NECTIN3: variants seen among roughly 807,000 people sequenced by gnomAD.
NECTIN3 encodes nectin cell adhesion molecule 3, also known as nectin-3.
NECTIN3 carries 8 observed loss-of-function variants against 49.4 expected under a neutral mutation model. That is an observed-to-expected ratio of 0.16 (90% CI 0.10 to 0.29). The LOEUF (loss-of-function observed/expected upper bound fraction) is 0.29. Ranked by LOEUF, NECTIN3 falls within the 10% of genes least tolerant of loss-of-function variation. The pLI is 1.00. For missense variants in NECTIN3, 581 were observed against 654.6 expected, an observed-to-expected ratio of 0.89 and a Z score of 1.23; for synonymous variants, 277 against 241.1, an observed-to-expected ratio of 1.15 and a Z score of -1.38.
chr3:111,172,979 T>A (rs1374919116), intron 7 of NECTIN3, among the ~76,000 whole-genome samples: 1 of 152,206 alleles, frequency 6.6e-6, no homozygotes, highest in Admixed American at 6.5e-5. Context: ...TCCGGTATGA[T>A]CTTTCCATTT....
intron 7 of NECTIN3, among the ~76,000 whole-genome samples, chr3:111,156,029 T>G (rs2035091314): frequency 6.6e-6 from 1 of 152,208 alleles, no homozygotes; most frequent in South Asian, 2.1e-4. Flanking sequence ...CATATTTATG[T>G]CCTTGTGCCA....
At chr3:111,162,770 T>A (rs944927233) in intron 7 of NECTIN3, among the ~76,000 whole-genome samples, 39 of 152,192 alleles carry the variant, frequency 2.6e-4, no homozygotes, top group Non-Finnish European at 2.9e-5. Flanking sequence ...TTTAAGCTTT[T>A]ACCAACAGCC....
At chr3:111,096,618 G>A (rs1163649613) in intron 1 of NECTIN3, among the ~76,000 whole-genome samples, 1 of 152,142 alleles carries the variant, frequency 6.6e-6, no homozygotes, top group Non-Finnish European at 1.5e-5. Context: ...TGGGCCCAGG[G>A]TCCCTCTGCT....
intron 1 of NECTIN3, among the ~76,000 whole-genome samples, chr3:111,085,446 A>G (rs986848332): frequency 1.3e-5 from 2 of 152,230 alleles, no homozygotes; most frequent in African/African-American, 4.8e-5. Flanking sequence ...ATACATCAGA[A>G]AAATACATAC....
rs372423621 is a variant in NECTIN3, at chr3:111,072,040, C to A, written c.23C>A (p.Ser8Tyr). 4.0e-5 allele frequency: 61 copies of A among 1,539,140 alleles called. No individual in the cohort carries two copies. In the African/African-American group the frequency reaches 4.8e-4, roughly 12 times the overall value. ...GGGATGGCGCGGACCCTGCGGCCGT[C>A]CCCGCTGTGTCCTGGAGGCGGCAAA... is the stretch of plus-strand genomic sequence containing the variant. MARTLRP[S>Y]PLCPGGGKAQ... The change falls in exon 1 of 6, where the codon TCC (serine) becomes TAC (tyrosine). Residue 8 changes from serine (S) to tyrosine (Y), a missense_variant. Ser to Tyr is a moderately radical substitution (Grantham distance 144). Around this residue, in one of 3 missense-constraint regions of NECTIN3, gnomAD observed 109 missense variants for 69.1 expected, o/e 1.58. Transcript: ENST00000485303.
chr3:111,076,902 G>T (rs1036306478), intron 1 of NECTIN3, among the ~76,000 whole-genome samples: 2 of 151,646 alleles, frequency 1.3e-5, no homozygotes, highest in Non-Finnish European at 2.9e-5. Flanking sequence ...TTGAACCCCA[G>T]GGGGAGGAGG....
downstream of NECTIN3, among the ~76,000 whole-genome samples, chr3:111,141,412 A>G (rs2034741771): frequency 6.6e-6 from 1 of 151,972 alleles, no homozygotes. Context: ...GTGTACACAT[A>G]TGTTTCAATA....
intron 3 of NECTIN3, among the ~76,000 whole-genome samples, chr3:111,120,122 CAG>C (rs1266733322): frequency 1.3e-5 from 2 of 152,090 alleles, no homozygotes; most frequent in African/African-American, 2.4e-5. Context: ...CTTGCTTTTA[CAG>C]AGTGTTAACT....
At chr3:111,074,805 T>G (rs4682229) in intron 1 of NECTIN3, 107,225 of 151,854 alleles carry the variant, frequency 0.71, 43,594 homozygotes, top group Non-Finnish European at 0.93. Context: ...ATTATGAAAT[T>G]CGAAGTTTCT....
rs757299486 is a variant in NECTIN3, at chr3:111,133,746, T to G, written c.1181T>G (p.Leu394Trp). The G allele has an allele frequency of 3.7e-6, 6 of 1,613,858 alleles. No homozygotes were observed. In the African/African-American group the frequency reaches 8.0e-5, roughly 22 times the overall value. ...PKKLPFPLST[L>W]ATIKDDTIAT... Reference sequence around the variant, plus strand: ...AAATTGCCCTTCCCATTGTCAACTTTGGCAACAATTAAGGATGACACAATT... The same window carrying G: ...AAATTGCCCTTCCCATTGTCAACTTGGGCAACAATTAAGGATGACACAATT... The change falls in exon 6 of 6, where the codon TTG becomes TGG. Residue 394 changes from leucine (L) to tryptophan (W), a missense_variant. Physicochemically the swap from Leu to Trp is moderately conservative, Grantham distance 61. This residue lies in a region of NECTIN3 where 238 missense variants were observed against 244.9 expected (regional missense o/e 0.97). Transcript: ENST00000485303.
At chr3:111,153,288 T>G (rs1402115496) in intron 7 of NECTIN3, among the ~76,000 whole-genome samples, 1 of 151,948 alleles carries the variant, frequency 6.6e-6, no homozygotes, top group Non-Finnish European at 1.5e-5. Flanking sequence ...TCAACAAAGC[T>G]TGGATAAAAT....
chr3:111,112,356 A>G lies in NECTIN3; in HGVS notation c.487A>G (p.Thr163Ala), dbSNP rs1576116974. 1 of 1,598,224 alleles carries G rather than the reference A, an allele frequency of 6.3e-7. No homozygotes were observed. The highest frequency in any genetic ancestry group is 8.6e-7 in the Non-Finnish European group (1 of 1,168,532). Residue 163 changes from threonine (T) to alanine (A), a missense_variant, in exon 2 of 6, where the codon ACT becomes GCT. Physicochemically the swap from Thr to Ala is moderately conservative, Grantham distance 58. Transcript: ENST00000485303. The stretch of plus-strand genomic sequence containing the variant: ...GCTTGGAAATGCCCAGTCCTCTACA[A>G]CTGTAACTGTGTTAGGTAGGTATGC... The part of the protein sequence containing the change: ...FPLGNAQSST[T>A]VTVLVEPTVS...
intron 4 of NECTIN3, among the ~76,000 whole-genome samples, chr3:111,123,680 C>T (rs1223998878): frequency 6.6e-6 from 1 of 152,118 alleles, no homozygotes; most frequent in Non-Finnish European, 1.5e-5. Flanking sequence ...TTCTAGTTTT[C>T]TGAGGTACAG....
At position 111,134,692 on chromosome 3, in the gene NECTIN3, AT is replaced by A. The variant is rs2034517271; in HGVS notation, c.*483del. The A allele has an allele frequency of 2.3e-6, 2 of 855,196 alleles. No homozygotes were observed. Among genetic ancestry groups the A allele is most frequent in the Non-Finnish European group, 1.4e-6 (1 of 711,794 alleles). The allele number at this position is 855,196 out of a possible 1,614,324, so 53.0% of individuals were successfully genotyped here. A position where few individuals can be genotyped will look rare whatever the true frequency, so the allele number is the denominator to read the frequency against. ...ACTAATTCAAGAAATATTTATATAT[AT>A]TTTTTAATATACAAAAAATATTTAG... On this transcript the variant is annotated 3_prime_UTR_variant, in exon 6 of 6. Transcript: ENST00000485303.
chr3:111,072,811 T>C, intron 1 of NECTIN3: 1 of 449,882 alleles, frequency 2.2e-6, no homozygotes, highest in Non-Finnish European at 4.0e-6. Flanking sequence ...CTGCCCGTGC[T>C]TATTTTACCA....
intron 1 of NECTIN3, among the ~76,000 whole-genome samples, chr3:111,085,095 G>GT (rs999904280): frequency 2.0e-5 from 3 of 152,150 alleles, no homozygotes; most frequent in Non-Finnish European, 4.4e-5. Flanking sequence ...GTCACATGAC[G>GT]TTTTCCCTGT....
intron 1 of NECTIN3, among the ~76,000 whole-genome samples, chr3:111,096,145 G>T (rs889983588): frequency 2.6e-5 from 4 of 152,304 alleles, no homozygotes; most frequent in African/African-American, 9.6e-5. Flanking sequence ...AATCCAGGCT[G>T]AGGTGGTCTC....
chr3:111,170,404 C>T (rs893083630), intron 7 of NECTIN3, among the ~76,000 whole-genome samples: 3 of 152,102 alleles, frequency 2.0e-5, no homozygotes, highest in African/African-American at 7.2e-5. Flanking sequence ...ACTGTTTTCT[C>T]CCTTCTGTCA....
chr3:111,139,752 T>G (rs2034693416), downstream of NECTIN3, among the ~76,000 whole-genome samples: 1 of 151,762 alleles, frequency 6.6e-6, no homozygotes, highest in Admixed American at 6.6e-5. Flanking sequence ...AAAAACTCCT[T>G]TAAGTGTACC....
Sources: gnomAD v4.1 joint callset for allele counts (sites outside exome capture counted in the v4.1 genomes callset) on GRCh38, gnomAD v4.1.1 for gene constraint, gnomAD v4.1.1 regional missense constraint, MANE v1.5 for transcripts, NCBI Gene and HGNC (gene_info 2026-07-23, HGNC 2026-07-21) for gene names.